The following CSMD1 variants were observed in gnomAD, a reference collection of about 807,000 sequenced individuals.
The protein encoded by CSMD1 is CUB and Sushi multiple domains 1.
In CSMD1, 213 loss-of-function variants were observed where a neutral mutation model predicts 417.5. The observed-to-expected ratio is 0.51, with a 90% CI of 0.46 to 0.57. CSMD1 has a LOEUF of 0.57. Ranked by LOEUF, CSMD1 falls within the 20% of genes least tolerant of loss-of-function variation. The pLI, the probability that CSMD1 is intolerant of heterozygous loss-of-function variation, is 0.00. For missense variants in CSMD1, 6,923 were observed against 4,529.7 expected, an observed-to-expected ratio of 1.53 and a Z score of -15.17; for synonymous variants, 2,862 against 1,736.8, an observed-to-expected ratio of 1.65 and a Z score of -16.11.
At chr8:4,436,087 A>G (rs2129636998) in intron 2 of CSMD1, among the ~76,000 whole-genome samples, 1 of 152,272 alleles carries the variant, frequency 6.6e-6, no homozygotes, top group South Asian at 2.1e-4. Context: ...CAAGAATAAA[A>G]CCAACATGTC....
At chr8:4,969,454 C>G (rs999160249) in intron 1 of CSMD1, among the ~76,000 whole-genome samples, 6 of 151,576 alleles carry the variant, frequency 4.0e-5, no homozygotes, top group Admixed American at 1.3e-4. Context: ...CACAGAAAAT[C>G]TTTCTATTCA....
intron 3 of CSMD1, among the ~76,000 whole-genome samples, chr8:4,122,102 T>G (rs1802517912): frequency 6.6e-6 from 1 of 152,132 alleles, no homozygotes; most frequent in Admixed American, 6.6e-5. Flanking sequence ...AAATATAATA[T>G]TGTATCGTAT....
chr8:4,629,825 G>C (rs536744222), intron 2 of CSMD1, among the ~76,000 whole-genome samples: 28 of 152,280 alleles, frequency 1.8e-4, no homozygotes, highest in Non-Finnish European at 3.7e-4. Context: ...GCTAATAATA[G>C]TGTCATGTTG....
intron 6 of CSMD1, among the ~76,000 whole-genome samples, chr8:3,728,173 C>G (rs1802607902): frequency 6.6e-6 from 1 of 152,128 alleles, no homozygotes; most frequent in South Asian, 2.1e-4. Context: ...GCTGTTGCCC[C>G]CATACTGTTC....
chr8:4,886,504 T>A (rs892699110), intron 1 of CSMD1, among the ~76,000 whole-genome samples: 2 of 152,062 alleles, frequency 1.3e-5, no homozygotes, highest in African/African-American at 4.8e-5. Context: ...AAATTTCTAC[T>A]GACCTTGTAA....
chr8:3,600,458 G>C (rs1701684977), intron 8 of CSMD1, among the ~76,000 whole-genome samples: 1 of 152,206 alleles, frequency 6.6e-6, no homozygotes, highest in African/African-American at 2.4e-5. Flanking sequence ...CAAGGGTCAA[G>C]TGTATCAGAA....
intron 3 of CSMD1, among the ~76,000 whole-genome samples, chr8:4,118,854 A>G (rs7822603): frequency 0.18 from 27,384 of 152,200 alleles, 2,680 homozygotes; most frequent in African/African-American, 0.23. Flanking sequence ...AATGCTCAAC[A>G]ATGTTAGACT....
intron 1 of CSMD1, among the ~76,000 whole-genome samples, chr8:4,712,571 AGAAGGGGCTTTAGAATACT>A (rs1808377749): frequency 6.6e-6 from 1 of 152,230 alleles, no homozygotes; most frequent in Admixed American, 6.5e-5. Context: ...GAGAACAGAA[AGAAGGGGCTTTAGAATACT>A]GAAGATATTT....
At chr8:4,458,126 T>G (rs1228173318) in intron 2 of CSMD1, among the ~76,000 whole-genome samples, 1 of 152,178 alleles carries the variant, frequency 6.6e-6, no homozygotes, top group African/African-American at 2.4e-5. Context: ...CTTTCTGTGT[T>G]TAAATTACTT....
chr8:3,257,786 G>A (rs940461632), intron 26 of CSMD1, among the ~76,000 whole-genome samples: 1 of 152,170 alleles, frequency 6.6e-6, no homozygotes, highest in Non-Finnish European at 1.5e-5. Context: ...GGCTTCCAAG[G>A]GAGGTGTGAG....
At chr8:3,212,089 A>C (rs1797645993) in intron 30 of CSMD1, among the ~76,000 whole-genome samples, 1 of 152,150 alleles carries the variant, frequency 6.6e-6, no homozygotes, top group South Asian at 2.1e-4. Context: ...CTTGACCTGT[A>C]ATGCTAGATC....
intron 2 of CSMD1, among the ~76,000 whole-genome samples, chr8:4,609,232 T>C (rs770034795): frequency 2.0e-5 from 3 of 152,106 alleles, no homozygotes; most frequent in South Asian, 2.1e-4. Context: ...AAACCCTGTA[T>C]CTACAAAAAA....
chr8:3,826,194 C>A (rs983108372), intron 5 of CSMD1, among the ~76,000 whole-genome samples: 3 of 152,062 alleles, frequency 2.0e-5, no homozygotes, highest in Non-Finnish European at 4.4e-5. Context: ...CCTGTGGAGG[C>A]CTTCACGGTG....
chr8:3,485,759 C>G (rs1467958044), intron 11 of CSMD1, among the ~76,000 whole-genome samples: 3 of 101,094 alleles, frequency 3.0e-5, no homozygotes, highest in African/African-American at 1.2e-4. Context: ...GACTCAGCCT[C>G]AAAAAAATAA....
intron 1 of CSMD1, among the ~76,000 whole-genome samples, chr8:4,844,555 G>A (rs549290961): frequency 6.6e-6 from 1 of 152,236 alleles, no homozygotes; most frequent in African/African-American, 2.4e-5. Flanking sequence ...TCAATAACCA[G>A]CCATGAGGGG....
At position 4,370,626 on chromosome 8, in the gene CSMD1, A is replaced by T. The variant is rs550038238; in HGVS notation, c.415+49327T>A. ...TCTCATATTTTTGGAAGTTTTGTCC[A>T]TTTTTAAAAATTCATTTTTAATTTT... On this transcript the variant is annotated intron_variant, in intron 3 of 69. Coordinates refer to ENST00000635120, the MANE Select transcript of CSMD1 (RefSeq NM_033225.6). Among the ~76,000 whole-genome samples the T allele has an allele frequency of 1.3e-3, 192 of 152,236 alleles. 2 individuals are homozygous for T. The highest frequency in any genetic ancestry group is 4.4e-3 in the African/African-American group (184 of 41,536).
At chr8:4,601,787 G>A (rs1237357850) in intron 2 of CSMD1, among the ~76,000 whole-genome samples, 2 of 152,160 alleles carry the variant, frequency 1.3e-5, no homozygotes, top group African/African-American at 4.8e-5. Context: ...CAAATGAAAA[G>A]TGAGTAAACT....
chr8:3,809,264 T>A, intron 5 of CSMD1, among the ~76,000 whole-genome samples: 1 of 152,186 alleles, frequency 6.6e-6, no homozygotes, highest in East Asian at 1.9e-4. Context: ...CTGGGTCAGG[T>A]CAGCTCCCTT....
chr8:4,281,700 A>T (rs118044083), intron 3 of CSMD1, among the ~76,000 whole-genome samples: 2,841 of 152,324 alleles, frequency 0.019, 47 homozygotes, highest in Non-Finnish European at 0.028. Context: ...TATACATACA[A>T]GTCATTTTTT....
Sources: gnomAD v4.1 joint callset for allele counts (sites outside exome capture counted in the v4.1 genomes callset) on GRCh38, gnomAD v4.1.1 for gene constraint, MANE v1.5 for transcripts, NCBI Gene and HGNC (gene_info 2026-07-23, HGNC 2026-07-21) for gene names.